CAPN8: variants seen among roughly 807,000 people sequenced by gnomAD.
CAPN8 encodes the protein calpain 8.
CAPN8 carries 87 observed loss-of-function variants against 80.9 expected under a neutral mutation model. The ratio of observed to expected loss-of-function variants is 1.07; its 90% confidence interval spans 0.90 to 1.28. The LOEUF (loss-of-function observed/expected upper bound fraction) is 1.28, where lower values mean the gene tolerates loss of function less well. Ranked by LOEUF, CAPN8 falls within the 50% of genes most tolerant of loss-of-function variation. The pLI is 0.00. For missense variants in CAPN8, 757 were observed against 702.0 expected (o/e 1.08, Z -0.89); for synonymous variants, 299 against 273.8 (o/e 1.09, Z -0.91).
intron 7 of CAPN8, among the ~76,000 whole-genome samples, chr1:223,621,423 C>A (rs1428211899): frequency 1.3e-5 from 2 of 152,006 alleles, no homozygotes; most frequent in African/African-American, 4.8e-5. Flanking sequence ...TGCCAGGGAG[C>A]GGGTGCTCAG....
chr1:223,627,918 A>T, intron 4 of CAPN8, 91 bp downstream of exon 4: 2 of 1,404,016 alleles, frequency 1.4e-6, no homozygotes, highest in Non-Finnish European at 1.9e-6. Flanking sequence ...TGACGCCCTG[A>T]GTTTGGGGTG....
At chr1:223,656,574 G>A (rs371136604) in intron 1 of CAPN8, among the ~76,000 whole-genome samples, 8 of 151,034 alleles carry the variant, frequency 5.3e-5, no homozygotes, top group African/African-American at 1.2e-4. Flanking sequence ...AATCCCTTCC[G>A]CCTCAGAGTC....
intron 12 of CAPN8, among the ~76,000 whole-genome samples, chr1:223,558,520 TG>T (rs1268164930): frequency 6.6e-6 from 1 of 152,190 alleles, no homozygotes; most frequent in African/African-American, 2.4e-5. Flanking sequence ...AAATGTCCTC[TG>T]GGGGCTAAGC....
intron 2 of CAPN8, among the ~76,000 whole-genome samples, chr1:223,637,826 G>T (rs1401113201): frequency 6.6e-6 from 1 of 152,148 alleles, no homozygotes; most frequent in Admixed American, 6.5e-5. Flanking sequence ...GAAATCCTGT[G>T]TTCAAAGCCC....
intron 9 of CAPN8, chr1:223,618,319 G>C: frequency 6.5e-7 from 1 of 1,549,930 alleles, no homozygotes; most frequent in Non-Finnish European, 8.7e-7. Flanking sequence ...TGCGAGCCAG[G>C]AAAGCTTCCC....
chr1:223,545,396 G>T (rs1656593488), intron 16 of CAPN8, 97 bp from the exon 17 acceptor site: 1 of 1,528,704 alleles, frequency 6.5e-7, no homozygotes, highest in South Asian at 1.2e-5. Flanking sequence ...TAAGGCCTTA[G>T]TGAACCTTCC....
At chr1:223,614,307 G>A (rs1310589450) in intron 10 of CAPN8, among the ~76,000 whole-genome samples, 1 of 152,104 alleles carries the variant, frequency 6.6e-6, no homozygotes, top group Non-Finnish European at 1.5e-5. Flanking sequence ...GGCTGAGGCA[G>A]GAGAATTGCT....
At chr1:223,623,917 T>C (rs932827938) in intron 6 of CAPN8, among the ~76,000 whole-genome samples, 1 of 151,226 alleles carries the variant, frequency 6.6e-6, no homozygotes, top group African/African-American at 2.4e-5. Context: ...GGAAAATCAC[T>C]TGAACCAGGG....
At chr1:223,619,624 C>T (rs1423423682) in intron 8 of CAPN8, among the ~76,000 whole-genome samples, 171 bp from the exon 9 acceptor site, 1 of 152,222 alleles carries the variant, frequency 6.6e-6, no homozygotes, top group Non-Finnish European at 1.5e-5. Context: ...AGTCCACATT[C>T]TTCACTAGCG....
chr1:223,620,348 C>A, intron 7 of CAPN8, 82 bp from the exon 8 acceptor site: 3 of 1,245,802 alleles, frequency 2.4e-6, no homozygotes, highest in African/African-American at 1.5e-5. Flanking sequence ...TAAGCTTCCC[C>A]CTAAGAGCCA....
chr1:223,625,348 GC>G (rs1239300252), intron 6 of CAPN8, among the ~76,000 whole-genome samples: 1 of 152,208 alleles, frequency 6.6e-6, no homozygotes, highest in Non-Finnish European at 1.5e-5. Context: ...TAAGGAGAGG[GC>G]TTGCATTTAG....
At chr1:223,639,992 C>T (rs561515178) in intron 2 of CAPN8, among the ~76,000 whole-genome samples, 1 of 152,258 alleles carries the variant, frequency 6.6e-6, no homozygotes, top group Admixed American at 6.5e-5. Flanking sequence ...TGCCTTAGAT[C>T]TCTGTACAAA....
intron 2 of CAPN8, among the ~76,000 whole-genome samples, chr1:223,637,086 A>G (rs1657912340): frequency 6.6e-6 from 1 of 152,212 alleles, no homozygotes; most frequent in Admixed American, 6.5e-5. Context: ...GACTTCGCGT[A>G]TATCATGGTT....
rs753867957 is a variant in CAPN8 at position 223,541,714 on chromosome 1, C to A, written c.*122G>T. ...CAGTGCTGCTGAAATAGACCCAGGG[C>A]AAGAAAGGTATGAACAACCAGTGAA... On this transcript the variant is annotated 3_prime_UTR_variant, in exon 21 of 21. Transcript: ENST00000366872. 17 of 1,478,036 alleles carry A rather than the reference C, an allele frequency of 1.2e-5. No individual in the cohort carries two copies. Among genetic ancestry groups the A allele is most frequent in the Non-Finnish European group, 1.5e-5 (16 of 1,081,998 alleles). The allele number at this position is 1,478,036 out of a possible 1,614,324, so 91.6% of individuals were successfully genotyped here.
At chr1:223,634,582 C>T (rs1189612011) in intron 2 of CAPN8, among the ~76,000 whole-genome samples, 1 of 152,166 alleles carries the variant, frequency 6.6e-6, no homozygotes, top group East Asian at 1.9e-4. Context: ...TTAGAAACAA[C>T]AACACAAGTC....
chr1:223,635,358 C>A (rs1284932505), intron 2 of CAPN8, among the ~76,000 whole-genome samples: 4 of 152,162 alleles, frequency 2.6e-5, no homozygotes, highest in African/African-American at 7.2e-5. Context: ...CACATACACA[C>A]ACTGATTTTT....
At chr1:223,549,777 C>A (rs1656734509) in intron 15 of CAPN8, among the ~76,000 whole-genome samples, 1 of 152,228 alleles carries the variant, frequency 6.6e-6, no homozygotes, top group Non-Finnish European at 1.5e-5. Flanking sequence ...AGTTTTAGCC[C>A]AGGCTTGATA....
intron 7 of CAPN8, among the ~76,000 whole-genome samples, chr1:223,621,997 G>C (rs749401154): frequency 5.9e-5 from 9 of 152,028 alleles, no homozygotes; most frequent in Non-Finnish European, 1.0e-4. Flanking sequence ...GTAGAGACGG[G>C]GTTTCACCAT....
chr1:223,609,651 C>T (rs1449248967), intron 11 of CAPN8, among the ~76,000 whole-genome samples: 3 of 152,148 alleles, frequency 2.0e-5, no homozygotes, highest in Non-Finnish European at 2.9e-5. Flanking sequence ...CTCTAGTGTG[C>T]GCTCAGCTTC....
Sources: allele counts gnomAD v4.1 joint callset (sites outside exome capture counted in the v4.1 genomes callset), GRCh38; gene constraint gnomAD v4.1.1; transcripts MANE v1.5; gene names NCBI Gene and HGNC (gene_info 2026-07-23, HGNC 2026-07-21).